Variants in RPS6KA1 observed in about 807,000 individuals in gnomAD.
RPS6KA1 encodes the protein ribosomal protein S6 kinase alpha-1.
RPS6KA1 carries 48 observed loss-of-function variants against 91.3 expected under a neutral mutation model. The observed-to-expected ratio is 0.53, with a 90% confidence interval of 0.42 to 0.67. The LOEUF (loss-of-function observed/expected upper bound fraction) is 0.67. Ranked by LOEUF, RPS6KA1 falls within the 30% of genes least tolerant of loss-of-function variation. RPS6KA1 has a pLI of 0.00. For synonymous variants in RPS6KA1, 359 were observed against 384.7 expected (o/e 0.93, Z 0.78); for missense variants, 719 against 960.5 (o/e 0.75, Z 3.32).
At chr1:26,538,966 C>T (rs527498190) in intron 2 of RPS6KA1, among the ~76,000 whole-genome samples, 1 of 152,318 alleles carries the variant, frequency 6.6e-6, no homozygotes, top group African/African-American at 2.4e-5. Flanking sequence ...ATCAGACATT[C>T]GGTGCACCCT....
At chr1:26,543,917 T>A (rs1001469378) in intron 2 of RPS6KA1, among the ~76,000 whole-genome samples, 1 of 152,182 alleles carries the variant, frequency 6.6e-6, no homozygotes, top group Non-Finnish European at 1.5e-5. Flanking sequence ...GAGATAGTCC[T>A]CTCAGCTACT....
In RPS6KA1 at chr1:26,554,648, C is replaced by T. The variant is rs2076082892; in HGVS notation, c.666C>T (p.Phe222=). The T allele has an allele frequency of 2.5e-6, 4 of 1,613,872 alleles. No individual in the cohort carries two copies. Among genetic ancestry groups the T allele is most frequent in the Non-Finnish European group, 3.4e-6 (4 of 1,179,874 alleles). ...ACCACGAGAAGAAGGCCTATTCTTTCTGCGGGACAGTGGAGTACATGGCCC... is the reference window on the plus strand; with the variant it reads ...ACCACGAGAAGAAGGCCTATTCTTTTTGCGGGACAGTGGAGTACATGGCCC... ...AIDHEKKAYS[F]CGTVEYMAPE... The change falls in exon 9 of 22, where the codon TTC becomes TTT. Residue 222 remains phenylalanine, a synonymous_variant. Coordinates refer to ENST00000374168, the MANE Select transcript of RPS6KA1 (RefSeq NM_002953.4). The surrounding 1 kb of genome is among the most constrained non-coding windows in gnomAD (Gnocchi z 4.6).
At chr1:26,552,750 C>T (rs1012819494) in intron 6 of RPS6KA1, 1 of 289,290 alleles carries the variant, frequency 3.5e-6, no homozygotes, top group Admixed American at 4.3e-5. Context: ...GCCTCCCAAA[C>T]TGCTGGCTGG....
intron 1 of RPS6KA1, among the ~76,000 whole-genome samples, chr1:26,533,205 G>A (rs1281250192): frequency 2.0e-5 from 3 of 152,130 alleles, no homozygotes; most frequent in African/African-American, 7.2e-5. Context: ...TCAGCCTCCT[G>A]AGTAGCTGGG....
chr1:26,558,948 C>A lies in RPS6KA1; in HGVS notation c.1215+11C>A. The A allele has an allele frequency of 6.2e-7, 1 of 1,604,608 alleles. No individual in the cohort carries two copies. The highest frequency in any genetic ancestry group is 1.7e-4 in the Middle Eastern group (1 of 6,028). On this transcript the variant is annotated intron_variant, in intron 14 of 21. Coordinates refer to ENST00000374168, the MANE Select transcript of RPS6KA1 (RefSeq NM_002953.4). The surrounding 1 kb of genome is among the most constrained non-coding windows in gnomAD (Gnocchi z 4.0). ...CACTCGGTGGTACAGGTGAGGGGGG[C>A]AGGGGGCTGCTGCTCCATTATCCTT...
chr1:26,561,765 G>C lies in RPS6KA1; in HGVS notation c.1590+102G>C. The C allele has an allele frequency of 2.4e-6, 3 of 1,245,446 alleles. No individual in the cohort carries two copies. The highest frequency in any genetic ancestry group is 2.2e-6 in the Non-Finnish European group (2 of 894,446). 77.1% of individuals were successfully genotyped at this position (1,245,446 alleles called of 1,614,324 possible). On this transcript the variant is annotated intron_variant, in intron 17 of 21. Transcript: ENST00000374168. The surrounding 1 kb of genome is among the most constrained non-coding windows in gnomAD (Gnocchi z 5.7). ...GCCCAGGAATGGCAGCCTCCAGCTAGCCAAACTGAGGGGACACTAGGGCTG... is the reference window on the plus strand; with the variant it reads ...GCCCAGGAATGGCAGCCTCCAGCTACCCAAACTGAGGGGACACTAGGGCTG...
intron 1 of RPS6KA1, among the ~76,000 whole-genome samples, chr1:26,530,247 C>A (rs1362330820): frequency 6.6e-6 from 1 of 152,240 alleles, no homozygotes; most frequent in Non-Finnish European, 1.5e-5. Flanking sequence ...CGCCTTCACC[C>A]CACACCTAGG....
chr1:26,538,360 T>C (rs1458739012), intron 2 of RPS6KA1, among the ~76,000 whole-genome samples: 1 of 152,166 alleles, frequency 6.6e-6, no homozygotes, highest in African/African-American at 2.4e-5. Flanking sequence ...GCTTGCAGCA[T>C]TTAGGGACCT....
At position 26,529,799 on chromosome 1, in the gene RPS6KA1, G is replaced by C. The variant is rs888789448; in HGVS notation, c.-122G>C. ...CGCGGCGGCGGCGGCGGACGGCCCA[G>C]CCGGAGCGCGAGGGGCTCGGGGGGG... On this transcript the variant is annotated 5_prime_UTR_variant, in exon 1 of 22. Coordinates refer to ENST00000374168, the MANE Select transcript of RPS6KA1 (RefSeq NM_002953.4). This position sits in a 1 kb window ranked among gnomAD's most constrained non-coding sequence, Gnocchi z 4.2. 1 of 670,716 alleles carries C rather than the reference G, an allele frequency of 1.5e-6. No homozygotes were observed. The highest frequency in any genetic ancestry group is 2.0e-6 in the Non-Finnish European group (1 of 499,100). The allele number at this position is 670,716 out of a possible 1,614,324, so 41.5% of individuals were successfully genotyped here.
Position 26,558,832 on chromosome 1 carries a change from T to G in RPS6KA1, c.1110T>G (p.Ala370=), listed in dbSNP as rs766366521. The change falls in exon 14 of 22, where the codon GCT becomes GCG. Residue 370 remains alanine, a synonymous_variant. Coordinates refer to ENST00000374168, the MANE Select transcript of RPS6KA1 (RefSeq NM_002953.4). The surrounding 1 kb of genome is among the most constrained non-coding windows in gnomAD (Gnocchi z 4.0). ...PKDSPGIPPS[A]GAHQLFRGFS... ...ATTCCCCAGGCATCCCCCCCAGCGCTGGGGCCCATCAGCTGTTCCGGGGCT... is the reference window on the plus strand; with the variant it reads ...ATTCCCCAGGCATCCCCCCCAGCGCGGGGGCCCATCAGCTGTTCCGGGGCT... 7.4e-6 allele frequency: 12 copies of G among 1,612,630 alleles called. No individual in the cohort carries two copies. In the African/African-American group the frequency reaches 1.5e-4, roughly 20 times the overall value.
chr1:26,560,225 C>CT (rs2076142145), intron 14 of RPS6KA1, among the ~76,000 whole-genome samples: 7 of 152,250 alleles, frequency 4.6e-5, no homozygotes, highest in Admixed American at 6.5e-5. Flanking sequence ...GATGAAAGTG[C>CT]TTAGAATAGT....
At chr1:26,553,708 A>C in intron 7 of RPS6KA1, 2 of 338,862 alleles carry the variant, frequency 5.9e-6, no homozygotes, top group Non-Finnish European at 5.4e-6. Context: ...CATGCAGGTA[A>C]TGTTGCCCGT....
At chr1:26,552,156 G>A (rs1375688435) in intron 6 of RPS6KA1, among the ~76,000 whole-genome samples, 1 of 152,242 alleles carries the variant, frequency 6.6e-6, no homozygotes, top group East Asian at 1.9e-4. Flanking sequence ...TTGGGAGGCC[G>A]AGGTGGGCAG....
intron 2 of RPS6KA1, among the ~76,000 whole-genome samples, chr1:26,537,395 G>A (rs531951082): frequency 5.3e-5 from 8 of 152,332 alleles, no homozygotes; most frequent in East Asian, 1.9e-4. Flanking sequence ...GCTGGTGGCC[G>A]CTCAAGGCTA....
At chr1:26,553,532 CA>C (rs1270746957) in intron 7 of RPS6KA1, 35 bp downstream of exon 7, 1 of 1,413,504 alleles carries the variant, frequency 7.1e-7, no homozygotes, top group Non-Finnish European at 1.0e-6. Context: ...CCAGCCTCCC[CA>C]GGGGAGGCCT....
chr1:26,566,026 G>A (rs994165761), intron 17 of RPS6KA1, among the ~76,000 whole-genome samples: 4 of 152,104 alleles, frequency 2.6e-5, no homozygotes, highest in Non-Finnish European at 5.9e-5. Context: ...ATGGTTACTA[G>A]ATTGTTGACT....
At chr1:26,530,903 G>A in intron 1 of RPS6KA1, 1 of 1,258,988 alleles carries the variant, frequency 7.9e-7, no homozygotes, top group Non-Finnish European at 1.0e-6. Context: ...AAGGAAGCAG[G>A]TGATATTCTC....
chr1:26,539,720 C>T (rs1403134112), intron 2 of RPS6KA1, among the ~76,000 whole-genome samples: 3 of 152,158 alleles, frequency 2.0e-5, no homozygotes, highest in Non-Finnish European at 4.4e-5. Context: ...GTGTGGATAG[C>T]CATCCAGGGT....
At position 26,555,282 on chromosome 1, in the gene RPS6KA1, G is replaced by T. The variant is rs2076090108; in HGVS notation, c.827+61G>T. ...CTCCAAGCCCCAGCCCCAGTTTGGG[G>T]GTCAGAATATTATTACCCTGTCCCT... On this transcript the variant is annotated intron_variant, in intron 10 of 21. Coordinates refer to ENST00000374168, the MANE Select transcript of RPS6KA1 (RefSeq NM_002953.4). The surrounding 1 kb of genome is among the most constrained non-coding windows in gnomAD (Gnocchi z 4.3). 1.3e-6 allele frequency: 2 copies of T among 1,538,842 alleles called. No individual in the cohort carries two copies. Among genetic ancestry groups the T allele is most frequent in the South Asian group, 1.1e-5 (1 of 88,614 alleles).
Sources: allele counts gnomAD v4.1 joint callset (sites outside exome capture counted in the v4.1 genomes callset), GRCh38; gene constraint gnomAD v4.1.1; non-coding constraint Gnocchi (gnomAD v3.1); transcripts MANE v1.5; gene names NCBI Gene and HGNC (gene_info 2026-07-23, HGNC 2026-07-21).